The following POC1A variants were observed in gnomAD, a reference collection of about 807,000 sequenced individuals.
POC1A encodes the protein POC1 centriolar protein A.
POC1A carries 34 observed loss-of-function variants against 47.8 expected under a neutral mutation model. The ratio of observed to expected loss-of-function variants is 0.71; its 90% CI spans 0.54 to 0.95. The LOEUF (loss-of-function observed/expected upper bound fraction) is 0.95. Ranked by LOEUF, POC1A falls within the 40% of genes least tolerant of loss-of-function variation. The pLI is 0.00. For synonymous variants in POC1A, 177 were observed against 207.6 expected (o/e 0.85, Z 1.27); for missense variants, 466 against 528.3 (o/e 0.88, Z 1.16).
At chr3:52,128,925 C>T (rs1704112254) in intron 7 of POC1A, among the ~76,000 whole-genome samples, 1 of 152,170 alleles carries the variant, frequency 6.6e-6, no homozygotes, top group South Asian at 2.1e-4. Context: ...TCATTCACTT[C>T]CAAATGTTTA....
At chr3:52,141,710 C>T (rs531782171) in intron 6 of POC1A, among the ~76,000 whole-genome samples, 3 of 152,180 alleles carry the variant, frequency 2.0e-5, no homozygotes, top group Admixed American at 6.5e-5. Context: ...ACCCTCCGGC[C>T]GGGCATGGTG....
At chr3:52,140,902 C>T (rs965025945) in intron 6 of POC1A, among the ~76,000 whole-genome samples, 1 of 152,252 alleles carries the variant, frequency 6.6e-6, no homozygotes, top group African/African-American at 2.4e-5. Flanking sequence ...AGGGCATGAG[C>T]CTTCTATCAT....
At chr3:52,143,089 T>C (rs1315305356) in intron 6 of POC1A, among the ~76,000 whole-genome samples, 1 of 152,026 alleles carries the variant, frequency 6.6e-6, no homozygotes, top group Non-Finnish European at 1.5e-5. Context: ...GCTGTGTTTA[T>C]GGGGTACTCC....
At position 52,075,680 on chromosome 3, in the gene POC1A, C is replaced by T. The variant is rs1484484929; in HGVS notation, c.*207G>A. The stretch of plus-strand genomic sequence containing the variant: ...GTCTGAAGCATCATTTGTGTGTGAG[C>T]CCGGCCCACTGGGGACCTCTGGCTG... On this transcript the variant is annotated 3_prime_UTR_variant, in exon 11 of 11. Transcript: ENST00000296484. 4.0e-6 allele frequency: 2 copies of T among 501,330 alleles called. No individual in the cohort carries two copies. The highest frequency in any genetic ancestry group is 7.4e-6 in the Non-Finnish European group (2 of 270,262). The allele number at this position is 501,330 out of a possible 1,614,324, so 31.1% of individuals were successfully genotyped here.
chr3:52,107,399 T>A (rs779436891), intron 9 of POC1A, among the ~76,000 whole-genome samples: 26 of 152,372 alleles, frequency 1.7e-4, no homozygotes, highest in Admixed American at 3.9e-4. Flanking sequence ...CTGGAGTTCC[T>A]GGAGCAGATG....
At chr3:52,120,133 C>T (rs1309025202) in intron 9 of POC1A, among the ~76,000 whole-genome samples, 2 of 152,174 alleles carry the variant, frequency 1.3e-5, no homozygotes, top group Admixed American at 1.3e-4. Flanking sequence ...AGTAGCTCTC[C>T]TCAGTTTGGA....
chr3:52,089,971 G>C (rs1187156174), intron 10 of POC1A, among the ~76,000 whole-genome samples: 2 of 138,904 alleles, frequency 1.4e-5, no homozygotes, highest in Non-Finnish European at 3.0e-5. Flanking sequence ...GGGGGTGGGG[G>C]TGGGGGAGCA....
intron 8 of POC1A, among the ~76,000 whole-genome samples, chr3:52,123,046 C>T (rs928573898): frequency 1.3e-5 from 2 of 152,244 alleles, no homozygotes; most frequent in Admixed American, 6.5e-5. Context: ...AGGCAAGGGA[C>T]TCAACCTTGT....
chr3:52,130,379 G>A (rs1028361096), intron 7 of POC1A, among the ~76,000 whole-genome samples: 1 of 152,324 alleles, frequency 6.6e-6, no homozygotes. Flanking sequence ...CCCACCAGGA[G>A]GCTCCTGCAC....
chr3:52,075,876 T>A lies in POC1A; in HGVS notation c.*11A>T, dbSNP rs747885661. 1 of 1,603,180 alleles carries A rather than the reference T, an allele frequency of 6.2e-7. No individual in the cohort carries two copies. Among genetic ancestry groups the A allele is most frequent in the African/African-American group, 1.3e-5 (1 of 74,670 alleles). On this transcript the variant is annotated 3_prime_UTR_variant, in exon 11 of 11. Coordinates refer to ENST00000296484, the MANE Select transcript of POC1A (RefSeq NM_015426.5). ...GCAAATCCACCGAGCTCCTGATTCC[T>A]GCTCCCCTGATCATGGTGTTGCTCT...
At chr3:52,120,186 C>A (rs1183998774) in intron 9 of POC1A, among the ~76,000 whole-genome samples, 2 of 152,308 alleles carry the variant, frequency 1.3e-5, no homozygotes, top group Non-Finnish European at 2.9e-5. Context: ...GGTTGCACAA[C>A]ACTGAGAATA....
At chr3:52,121,017 C>CA (rs1305091133) in intron 9 of POC1A, among the ~76,000 whole-genome samples, 3 of 152,250 alleles carry the variant, frequency 2.0e-5, no homozygotes, top group Non-Finnish European at 4.4e-5. Context: ...CCTGTAGTTT[C>CA]TAGCTTTGCT....
chr3:52,083,155 C>T (rs1406911344), intron 10 of POC1A, among the ~76,000 whole-genome samples: 1 of 152,098 alleles, frequency 6.6e-6, no homozygotes, highest in South Asian at 2.1e-4. Flanking sequence ...TGGGGCATCA[C>T]GAGAGTTCAG....
At chr3:52,125,950 C>T (rs371428019) in intron 7 of POC1A, among the ~76,000 whole-genome samples, 2 of 152,270 alleles carry the variant, frequency 1.3e-5, no homozygotes, top group South Asian at 4.1e-4. Context: ...AGGGTTCTTC[C>T]CCACATACCT....
rs753774501 is a variant in POC1A at position 52,149,412 on chromosome 3, G to A, written c.276-23C>T. On this transcript the variant is annotated intron_variant, in intron 3 of 10. Transcript: ENST00000296484. ...TTGCTACAAGGACAGGCATCCAAGA[G>A]TAAGGAAACCCATAACAGTGACATG... The A allele has an allele frequency of 5.6e-6, 9 of 1,610,324 alleles. No individual in the cohort carries two copies. The Admixed American group carries it at 1.2e-4, about 21-fold the overall frequency.
intron 9 of POC1A, among the ~76,000 whole-genome samples, chr3:52,109,500 A>C (rs74603747): frequency 0.098 from 14,878 of 152,062 alleles, 1,339 homozygotes; most frequent in East Asian, 0.36. Context: ...AACAAACAAA[A>C]AAAAAAACCT....
intron 9 of POC1A, among the ~76,000 whole-genome samples, chr3:52,113,718 C>CA (rs1388121205): frequency 2.0e-5 from 3 of 152,048 alleles, no homozygotes; most frequent in Admixed American, 6.6e-5. Context: ...CAAAAACAAA[C>CA]AAAAAAACAA....
chr3:52,086,385 G>A (rs1702457056), intron 10 of POC1A, among the ~76,000 whole-genome samples: 1 of 152,188 alleles, frequency 6.6e-6, no homozygotes, highest in Non-Finnish European at 1.5e-5. Flanking sequence ...AATCTCCCCT[G>A]TAGCATGGTT....
chr3:52,121,108 G>C (rs1258828437), intron 9 of POC1A, among the ~76,000 whole-genome samples: 1 of 152,200 alleles, frequency 6.6e-6, no homozygotes, highest in African/African-American at 2.4e-5. Context: ...TCTGTGAATT[G>C]AGCAGTATAT....
Sources: allele counts gnomAD v4.1 joint callset (sites outside exome capture counted in the v4.1 genomes callset), GRCh38; gene constraint gnomAD v4.1.1; transcripts MANE v1.5; gene names NCBI Gene and HGNC (gene_info 2026-07-23, HGNC 2026-07-21).